Variants in PCDHGA8 observed in about 807,000 individuals in gnomAD.
PCDHGA8 encodes protocadherin gamma-A8.
A neutral mutation model predicts 59.2 loss-of-function variants in PCDHGA8; 45 were observed. That is an observed-to-expected ratio of 0.76 (90% CI 0.60 to 0.98). PCDHGA8 has a LOEUF of 0.98. Among genes scored for constraint, PCDHGA8 ranks in the 50% least tolerant of loss-of-function variants. The probability of loss-of-function intolerance (pLI) is 0.00; values close to 1 mark genes in which losing one functional copy is unlikely to be tolerated. For missense variants in PCDHGA8, 1,257 were observed against 1,196.2 expected (o/e 1.05, Z -0.75); for synonymous variants, 531 against 519.0 (o/e 1.02, Z -0.32).
chr5:141,427,481 C>G, intron 1 of PCDHGA8: 2 of 534,060 alleles, frequency 3.7e-6, no homozygotes, highest in Non-Finnish European at 7.2e-6. Flanking sequence ...CCAATAATGA[C>G]TATAAGCTTG....
Position 141,505,463 on chromosome 5 carries a change from A to G in PCDHGA8, c.2554A>G (p.Ile852Val). 1 of 1,614,184 alleles carries G rather than the reference A, an allele frequency of 6.2e-7. No homozygotes were observed. Among genetic ancestry groups the G allele is most frequent in the East Asian group, 2.2e-5 (1 of 44,876 alleles). Residue 852 changes from isoleucine to valine, a missense_variant, in exon 3 of 4, where the codon ATC (isoleucine) becomes GTC (valine). Ile to Val is a conservative substitution (Grantham distance 29). Transcript: ENST00000398604. Reference protein sequence around the residue: ...QFDTEMLQAMILASASEAADG... With the variant: ...QFDTEMLQAMVLASASEAADG... ...TGACACAGAGATGCTGCAAGCCATG[A>G]TCTTGGCGTCCGCCAGTGGTAAGTG...
intron 1 of PCDHGA8, among the ~76,000 whole-genome samples, chr5:141,437,741 CT>C (rs35124340): frequency 3.0e-3 from 425 of 141,590 alleles, no homozygotes; most frequent in African/African-American, 3.7e-3. Context: ...TTGAGTTCAC[CT>C]TTTTTTTTTT....
Position 141,487,323 on chromosome 5 carries a change from G to T in PCDHGA8, c.2425-7484G>T. The T allele has an allele frequency of 6.2e-7, 1 of 1,614,100 alleles. No homozygotes were observed. The highest frequency in any genetic ancestry group is 8.5e-7 in the Non-Finnish European group (1 of 1,180,004). On this transcript the variant is annotated intron_variant, in intron 1 of 3. Coordinates refer to ENST00000398604, the MANE Select transcript of PCDHGA8 (RefSeq NM_032088.2). This position sits in a 1 kb window ranked among gnomAD's most constrained non-coding sequence, Gnocchi z 5.0. ...GTGGCACTACTCTCTAAGTGTCTTC[G>T]TGGGGCAGCCTGTGGAGTCACATGC... is the stretch of plus-strand genomic sequence containing the variant.
intron 1 of PCDHGA8, chr5:141,415,641 TA>T (rs113784532): frequency 0.022 from 22,367 of 1,034,442 alleles, 38 homozygotes; most frequent in Admixed American, 0.045. Context: ...TTACTTTTGT[TA>T]AAAAAAAAAA....
chr5:141,428,797 G>A (rs2097161930), intron 1 of PCDHGA8: 1 of 152,310 alleles, frequency 6.6e-6, no homozygotes, highest in Admixed American at 6.5e-5. Context: ...TTCTGTGTGG[G>A]CCAGTAACTT....
At chr5:141,409,687 C>A (rs1190888512) in intron 1 of PCDHGA8, 2 of 1,613,202 alleles carry the variant, frequency 1.2e-6, no homozygotes, top group East Asian at 4.5e-5. Context: ...TGGCGAGTGA[C>A]CTAGAGCCCC....
intron 1 of PCDHGA8, chr5:141,423,659 A>C (rs369390148): frequency 6.4e-7 from 1 of 1,551,038 alleles, no homozygotes; most frequent in African/African-American, 1.4e-5. Flanking sequence ...ACAAGTAATC[A>C]GGTGAGATTT....
chr5:141,463,446 T>TC, intron 1 of PCDHGA8, among the ~76,000 whole-genome samples: 1 of 125,012 alleles, frequency 8.0e-6, no homozygotes, highest in Non-Finnish European at 1.7e-5. Flanking sequence ...TCCTTTTTTT[T>TC]TTTTTTTTTT....
In PCDHGA8 at chr5:141,394,743, G is replaced by A. The variant is rs928437652; in HGVS notation, c.1930G>A (p.Val644Met). 4 of 1,613,314 alleles carry A rather than the reference G, an allele frequency of 2.5e-6. No homozygotes were observed. The highest frequency in any genetic ancestry group is 3.4e-6 in the Non-Finnish European group (4 of 1,179,996). ...AGATGCGCTCAAGCAGAGCCTCGTGGTGGCCGTCCAGGACCATGGCCAGCC... is the reference window on the plus strand; with the variant it reads ...AGATGCGCTCAAGCAGAGCCTCGTGATGGCCGTCCAGGACCATGGCCAGCC... ...DRDALKQSLV[V>M]AVQDHGQPPL... Residue 644 changes from valine (V) to methionine (M), a missense_variant, in exon 1 of 4, where the codon GTG (valine) becomes ATG (methionine). Val to Met is a conservative substitution (Grantham distance 21). Transcript: ENST00000398604.
intron 1 of PCDHGA8, among the ~76,000 whole-genome samples, chr5:141,470,256 A>G (rs1043528709): frequency 6.6e-6 from 1 of 152,228 alleles, no homozygotes; most frequent in African/African-American, 2.4e-5. Flanking sequence ...ACCTGTCTAA[A>G]TGGAGATACA....
intron 1 of PCDHGA8, among the ~76,000 whole-genome samples, chr5:141,401,078 T>A (rs2094109579): frequency 6.6e-6 from 1 of 152,226 alleles, no homozygotes; most frequent in South Asian, 2.1e-4. Flanking sequence ...GTGCAGTGGC[T>A]CATGCCTGTA....
intron 1 of PCDHGA8, chr5:141,415,390 G>A (rs1191160575): frequency 1.2e-6 from 2 of 1,614,224 alleles, no homozygotes; most frequent in South Asian, 2.2e-5. Flanking sequence ...CTTGACAGGT[G>A]TGTCCGGCTC....
chr5:141,480,381 C>T (rs1018981416), intron 1 of PCDHGA8, among the ~76,000 whole-genome samples: 2 of 151,926 alleles, frequency 1.3e-5, no homozygotes, highest in Non-Finnish European at 2.9e-5. Context: ...CACCACTACA[C>T]TTCAACCATG....
chr5:141,488,210 A>G (rs2099673009), intron 1 of PCDHGA8, among the ~76,000 whole-genome samples: 1 of 152,192 alleles, frequency 6.6e-6, no homozygotes, highest in Admixed American at 6.5e-5. Context: ...ACTCATATCA[A>G]GTCCCTACTG....
In PCDHGA8 at chr5:141,512,022, C is replaced by T. The variant is rs2154594692; in HGVS notation, c.*849C>T. The T allele has an allele frequency of 6.5e-6, 1 of 152,990 alleles. No individual in the cohort carries two copies. The highest frequency in any genetic ancestry group is 1.9e-4 in the East Asian group (1 of 5,186). The allele number at this position is 152,990 out of a possible 1,614,324, so 9.5% of individuals were successfully genotyped here. A position where few individuals can be genotyped will look rare whatever the true frequency, so the allele number is the denominator to read the frequency against. The stretch of plus-strand genomic sequence containing the variant: ...AGCTTGACACATCAAGTTATCAAGG[C>T]CTTGGAGGAGGCTCTGTATGTCCTC... On this transcript the variant is annotated 3_prime_UTR_variant, in exon 4 of 4. Transcript: ENST00000398604.
rs999687684 is a variant in PCDHGA8, at chr5:141,431,598, C to T, written c.2424+36361C>T. 1 of 1,614,192 alleles carries T rather than the reference C, an allele frequency of 6.2e-7. No homozygotes were observed. The highest frequency in any genetic ancestry group is 8.5e-7 in the Non-Finnish European group (1 of 1,180,046). ...GGAGTCAATGCGGAAGTGAGGTATT[C>T]CTTCCGGTATGTGGACGACAAGGCG... is the stretch of plus-strand genomic sequence containing the variant. On this transcript the variant is annotated intron_variant, in intron 1 of 3. Coordinates refer to ENST00000398604, the MANE Select transcript of PCDHGA8 (RefSeq NM_032088.2). This position sits in a 1 kb window ranked among gnomAD's most constrained non-coding sequence, Gnocchi z 4.8.
At chr5:141,409,631 T>C (rs773588699) in intron 1 of PCDHGA8, 27 of 1,613,698 alleles carry the variant, frequency 1.7e-5, no homozygotes, top group Non-Finnish European at 2.2e-5. Context: ...AGTGAGCGCC[T>C]CTGACCCGGA....
In PCDHGA8 at chr5:141,393,588, A is replaced by G; in HGVS notation, c.775A>G (p.Thr259Ala). Residue 259 changes from threonine to alanine, a missense_variant, in exon 1 of 4, where the codon ACG (threonine) becomes GCG (alanine). Transcript: ENST00000398604. ...AGTCCTTGAGAACATGCCCCCAGGC[A>G]CGCGGCTGCTTACTGTAACAGCCAG... is the stretch of plus-strand genomic sequence containing the variant. ...VKVLENMPPG[T>A]RLLTVTASDP... 1 of 1,613,924 alleles carries G rather than the reference A, an allele frequency of 6.2e-7. No individual in the cohort carries two copies.
In PCDHGA8 at chr5:141,432,219, T is replaced by A. The variant is rs1327611752; in HGVS notation, c.2424+36982T>A. 6.2e-7 allele frequency: 1 copy of A among 1,614,122 alleles called. No homozygotes were observed. Among genetic ancestry groups the A allele is most frequent in the East Asian group, 2.2e-5 (1 of 44,868 alleles). On this transcript the variant is annotated intron_variant, in intron 1 of 3. Transcript: ENST00000398604. The surrounding 1 kb of genome is among the most constrained non-coding windows in gnomAD (Gnocchi z 6.0). The stretch of plus-strand genomic sequence containing the variant: ...CCCGACTGTGAAGAGAACGCCCAGA[T>A]CACTTATTCCCTGGCTGAGAACACC...
Sources: gnomAD v4.1 joint callset for allele counts (sites outside exome capture counted in the v4.1 genomes callset) on GRCh38, gnomAD v4.1.1 for gene constraint, Gnocchi (gnomAD v3.1) non-coding constraint, MANE v1.5 for transcripts, NCBI Gene and HGNC (gene_info 2026-07-23, HGNC 2026-07-21) for gene names.